The following AGBL1 variants were observed in gnomAD, a reference collection of about 807,000 sequenced individuals.
AGBL1 encodes the protein cytosolic carboxypeptidase 4.
In AGBL1, 130 loss-of-function variants were observed where a neutral mutation model predicts 118.9. That is an observed-to-expected ratio of 1.09 (90% CI 0.95 to 1.26). The LOEUF is 1.26. Among genes scored for constraint, AGBL1 ranks in the 50% most tolerant of loss-of-function variants. AGBL1 has a pLI of 0.00. For missense variants in AGBL1, 1,584 were observed against 1,298.1 expected, an observed-to-expected ratio of 1.22 and a Z score of -3.38; for synonymous variants, 555 against 478.9, an observed-to-expected ratio of 1.16 and a Z score of -2.08.
intron 5 of AGBL1, among the ~76,000 whole-genome samples, chr15:86,205,980 C>T (rs1032794821): frequency 6.6e-6 from 1 of 152,140 alleles, no homozygotes; most frequent in African/African-American, 2.4e-5. Context: ...CCTCCCCCTG[C>T]CCGCTACCCC....
At chr15:86,380,251 C>G (rs58700860) in intron 17 of AGBL1, among the ~76,000 whole-genome samples, 5 of 92,666 alleles carry the variant, frequency 5.4e-5, no homozygotes, top group East Asian at 1.2e-3. Flanking sequence ...CTGCCTCCCT[C>G]CCTCCCTTTC....
At chr15:86,166,956 C>T (rs1236390696) in intron 5 of AGBL1, among the ~76,000 whole-genome samples, 2 of 152,198 alleles carry the variant, frequency 1.3e-5, no homozygotes, top group East Asian at 3.9e-4. Flanking sequence ...CAGCTCGTAC[C>T]TCCCTATAGA....
chr15:86,317,253 A>G (rs1203718353), intron 17 of AGBL1: 1 of 152,234 alleles, frequency 6.6e-6, no homozygotes, highest in East Asian at 1.9e-4. Flanking sequence ...ACCAATCATG[A>G]TGTCACAAAC....
At chr15:86,859,797 T>G (rs943219544) in intron 22 of AGBL1, among the ~76,000 whole-genome samples, 2 of 152,140 alleles carry the variant, frequency 1.3e-5, no homozygotes, top group Non-Finnish European at 1.5e-5. Context: ...CCTCAACACC[T>G]TGGTATTCTA....
chr15:86,481,820 A>G (rs2082654966), intron 18 of AGBL1, among the ~76,000 whole-genome samples: 2 of 152,274 alleles, frequency 1.3e-5, no homozygotes, highest in Admixed American at 1.3e-4. Context: ...ACCCTTCTGA[A>G]ATCCCAATAT....
At chr15:86,817,146 C>A (rs1015772199) in intron 22 of AGBL1, among the ~76,000 whole-genome samples, 6 of 151,616 alleles carry the variant, frequency 4.0e-5, no homozygotes, top group African/African-American at 1.2e-4. Context: ...AAAAAATTAG[C>A]CAGGCGTGGT....
intron 23 of AGBL1, among the ~76,000 whole-genome samples, chr15:86,970,760 G>C (rs1297391785): frequency 6.6e-6 from 1 of 151,928 alleles, no homozygotes; most frequent in Non-Finnish European, 1.5e-5. Context: ...ATGGAAGTTA[G>C]CTGAAACTTT....
At chr15:86,132,815 G>A (rs1373307072) in intron 1 of AGBL1, among the ~76,000 whole-genome samples, 2 of 152,120 alleles carry the variant, frequency 1.3e-5, no homozygotes, top group Non-Finnish European at 2.9e-5. Flanking sequence ...GAGATGTTTT[G>A]TTTATTTTTT....
intron 21 of AGBL1, among the ~76,000 whole-genome samples, chr15:86,636,745 A>C (rs1163457318): frequency 1.5e-5 from 1 of 64,854 alleles, no homozygotes; most frequent in African/African-American, 8.4e-5. Flanking sequence ...ATATATATAT[A>C]TATATATATA....
chr15:86,242,272 T>TA (rs796861001), intron 6 of AGBL1, among the ~76,000 whole-genome samples: 1,613 of 148,556 alleles, frequency 0.011, 28 homozygotes, highest in African/African-American at 0.036. Context: ...GCCATTGGAA[T>TA]AAAAAAAAAA....
At chr15:86,673,249 G>C (rs1189962711) in intron 21 of AGBL1, among the ~76,000 whole-genome samples, 2 of 152,144 alleles carry the variant, frequency 1.3e-5, no homozygotes, top group East Asian at 3.9e-4. Context: ...CTTATCACCA[G>C]ATGCTTAGGT....
At chr15:86,547,627 G>C (rs567595589) in intron 20 of AGBL1, among the ~76,000 whole-genome samples, 9 of 152,246 alleles carry the variant, frequency 5.9e-5, no homozygotes, top group African/African-American at 1.9e-4. Context: ...TAACATTATA[G>C]AGACAGGTAT....
intron 23 of AGBL1, among the ~76,000 whole-genome samples, chr15:86,921,273 A>G (rs2080479264): frequency 6.6e-6 from 1 of 152,084 alleles, no homozygotes; most frequent in Admixed American, 6.5e-5. Context: ...TGTGGATGGG[A>G]CTTCCTCCAG....
At chr15:86,281,898 C>T (rs920480792) in intron 16 of AGBL1, among the ~76,000 whole-genome samples, 3 of 152,152 alleles carry the variant, frequency 2.0e-5, no homozygotes, top group Non-Finnish European at 4.4e-5. Context: ...AAACCACCAG[C>T]CCACAGTTTT....
intron 5 of AGBL1, among the ~76,000 whole-genome samples, chr15:86,175,507 CT>C (rs1395325961): frequency 6.6e-6 from 1 of 151,848 alleles, no homozygotes; most frequent in Non-Finnish European, 1.5e-5. Context: ...TTTAGTTCTG[CT>C]CTGATCTTTA....
At chr15:86,365,907 A>T (rs2080880307) in intron 17 of AGBL1, among the ~76,000 whole-genome samples, 1 of 129,968 alleles carries the variant, frequency 7.7e-6, no homozygotes, top group Non-Finnish European at 1.9e-5. Flanking sequence ...TCCCTGTGAT[A>T]ATGGAAGACT....
intron 22 of AGBL1, among the ~76,000 whole-genome samples, chr15:86,850,073 GCTCAATCTCC>G (rs1482743593): frequency 6.6e-6 from 1 of 152,118 alleles, no homozygotes; most frequent in African/African-American, 2.4e-5. Context: ...CTGGTGTGTT[GCTCAATCTCC>G]CTCAACCCAA....
intron 13 of AGBL1, among the ~76,000 whole-genome samples, chr15:86,269,226 AC>A (rs1006277162): frequency 6.6e-6 from 1 of 152,100 alleles, no homozygotes; most frequent in Non-Finnish European, 1.5e-5. Flanking sequence ...AAATGAAACA[AC>A]CCCTGCATTG....
At chr15:86,842,745 A>T (rs2141440403) in intron 22 of AGBL1, among the ~76,000 whole-genome samples, 1 of 152,270 alleles carries the variant, frequency 6.6e-6, no homozygotes, top group African/African-American at 2.4e-5. Flanking sequence ...CAATTCTCCA[A>T]ATGCTCTCTG....
Sources: allele counts gnomAD v4.1 joint callset (sites outside exome capture counted in the v4.1 genomes callset), GRCh38; gene constraint gnomAD v4.1.1; transcripts MANE v1.5; gene names NCBI Gene and HGNC (gene_info 2026-07-23, HGNC 2026-07-21).